CDKAL1: variants seen among roughly 807,000 people sequenced by gnomAD.
CDKAL1 encodes threonylcarbamoyladenosine tRNA methylthiotransferase.
In CDKAL1, 32 loss-of-function variants were observed where a neutral mutation model predicts 68.2. The ratio of observed to expected loss-of-function variants is 0.47; its 90% confidence interval spans 0.35 to 0.63. The LOEUF (loss-of-function observed/expected upper bound fraction) is 0.63. CDKAL1 is among the 30% of genes least tolerant of loss of function. The pLI is 0.00. For synonymous variants in CDKAL1, 234 were observed against 244.3 expected, an observed-to-expected ratio of 0.96 and a Z score of 0.39; for missense variants, 606 against 696.7, an observed-to-expected ratio of 0.87 and a Z score of 1.47.
chr6:20,746,875 A>G (rs1350223837), intron 6 of CDKAL1, among the ~76,000 whole-genome samples: 2 of 152,164 alleles, frequency 1.3e-5, no homozygotes, highest in African/African-American at 4.8e-5. Flanking sequence ...AGCACCTAAT[A>G]TCTACTCTTA....
intron 13 of CDKAL1, among the ~76,000 whole-genome samples, chr6:21,127,281 A>G (rs1046688009): frequency 3.3e-5 from 5 of 152,228 alleles, no homozygotes; most frequent in Non-Finnish European, 4.4e-5. Context: ...CAATAATGCA[A>G]GTTATCATAT....
intron 9 of CDKAL1, among the ~76,000 whole-genome samples, chr6:20,941,130 A>G (rs549019350): frequency 2.1e-5 from 3 of 140,866 alleles, no homozygotes; most frequent in Admixed American, 7.4e-5. Context: ...AGTTCAAACC[A>G]ACTGCATTTC....
rs145564136 is a variant in CDKAL1, at chr6:21,065,123, A to C, written c.1131A>C (p.Thr377=). 4.7e-4 allele frequency: 752 copies of C among 1,608,110 alleles called. No individual in the cohort carries two copies. The highest frequency in any genetic ancestry group is 6.0e-4 in the Non-Finnish European group (711 of 1,177,520). The change falls in exon 12 of 16, where the codon ACA becomes ACC. Residue 377 remains threonine, a synonymous_variant. Transcript: ENST00000274695. ...AAACAGATCAGGATTTTCAAGAAAC[A>C]GTGAAACTTGTTGAAGAGTACAAAT... is the stretch of plus-strand genomic sequence containing the variant. ...PGETDQDFQE[T]VKLVEEYKFP...
At chr6:21,135,344 G>A (rs1248756878) in intron 13 of CDKAL1, among the ~76,000 whole-genome samples, 3 of 151,992 alleles carry the variant, frequency 2.0e-5, no homozygotes, top group Admixed American at 6.6e-5. Context: ...ATGCATGTGT[G>A]TTATAAACTT....
intron 5 of CDKAL1, among the ~76,000 whole-genome samples, chr6:20,725,784 A>T (rs1244608556): frequency 4.7e-5 from 4 of 85,958 alleles, no homozygotes; most frequent in African/African-American, 1.8e-4. Flanking sequence ...AACTCCGTCT[A>T]AAAAAAAAAA....
intron 9 of CDKAL1, among the ~76,000 whole-genome samples, chr6:20,899,650 C>G (rs1004250994): frequency 6.6e-6 from 1 of 152,056 alleles, no homozygotes; most frequent in Non-Finnish European, 1.5e-5. Context: ...CGAGACCAGC[C>G]TGGCCAACAT....
At chr6:20,781,319 G>GTT in intron 8 of CDKAL1, 54 bp downstream of exon 8, 10 of 1,463,154 alleles carry the variant, frequency 6.8e-6, no homozygotes, top group East Asian at 2.4e-5. Context: ...CATGAATTCA[G>GTT]TTTTTTTTTC....
intron 9 of CDKAL1, among the ~76,000 whole-genome samples, chr6:20,859,318 T>G (rs1364320752): frequency 6.6e-6 from 1 of 151,042 alleles, no homozygotes; most frequent in Non-Finnish European, 1.5e-5. Flanking sequence ...AAAAAAATGG[T>G]GTTATGAAGA....
chr6:20,606,772 T>G (rs2127717993), intron 4 of CDKAL1, among the ~76,000 whole-genome samples: 1 of 152,344 alleles, frequency 6.6e-6, no homozygotes, highest in Middle Eastern at 3.4e-3. Context: ...TCGTAAAATC[T>G]ATTTCAATTC....
chr6:20,677,398 T>C (rs947135505), intron 5 of CDKAL1, among the ~76,000 whole-genome samples: 3 of 152,036 alleles, frequency 2.0e-5, no homozygotes, highest in African/African-American at 7.3e-5. Context: ...TTGTTTACTT[T>C]GCTTTTTTCA....
intron 15 of CDKAL1, among the ~76,000 whole-genome samples, chr6:21,226,459 A>AAGAC (rs1277825704): frequency 6.6e-6 from 1 of 152,202 alleles, no homozygotes; most frequent in Non-Finnish European, 1.5e-5. Context: ...TTTACAAGGG[A>AAGAC]AGACAAACCC....
chr6:21,206,016 T>C (rs568371357), intron 15 of CDKAL1, among the ~76,000 whole-genome samples: 50 of 149,222 alleles, frequency 3.4e-4, no homozygotes, highest in Non-Finnish European at 6.2e-4. Context: ...TTTTTTTTCT[T>C]TGTATTTTAG....
intron 4 of CDKAL1, among the ~76,000 whole-genome samples, chr6:20,597,273 C>T (rs567397283): frequency 3.3e-5 from 5 of 151,476 alleles, no homozygotes; most frequent in African/African-American, 7.3e-5. Flanking sequence ...GGACTACAGG[C>T]GCCTGCCACC....
Position 20,758,636 on chromosome 6 carries a change from A to G in CDKAL1, c.510A>G (p.Thr170=), listed in dbSNP as rs1561752635. ...GTGTGGTAGAAGTTGTGGAGGAGAC[A>G]ATTAAAGGTAATCGTTGAAAGTGAG... ...IDRVVEVVEE[T]IKGHSVRLLG... Residue 170 remains threonine, a synonymous_variant, in exon 7 of 16, where the codon ACA becomes ACG. Coordinates refer to ENST00000274695, the MANE Select transcript of CDKAL1 (RefSeq NM_017774.3). The G allele has an allele frequency of 3.7e-6, 6 of 1,609,512 alleles. No homozygotes were observed. The highest frequency in any genetic ancestry group is 4.2e-6 in the Non-Finnish European group (5 of 1,177,682).
chr6:20,764,963 G>A (rs1461081499), intron 7 of CDKAL1, among the ~76,000 whole-genome samples: 1 of 152,126 alleles, frequency 6.6e-6, no homozygotes, highest in Non-Finnish European at 1.5e-5. Flanking sequence ...TCTCATCGGT[G>A]TAAGTAAATA....
intron 15 of CDKAL1, among the ~76,000 whole-genome samples, chr6:21,213,619 CATCTATGGTGTAA>C (rs2151118853): frequency 6.6e-6 from 1 of 152,332 alleles, no homozygotes; most frequent in East Asian, 1.9e-4. Context: ...AATCACAAAG[CATCTATGGTGTAA>C]GATAGTGGCA....
At chr6:20,843,623 A>G (rs1778261176) in intron 8 of CDKAL1, among the ~76,000 whole-genome samples, 4 of 152,302 alleles carry the variant, frequency 2.6e-5, no homozygotes, top group Admixed American at 2.0e-4. Context: ...TGCATGAAGC[A>G]AAATTTTGAC....
chr6:21,135,582 G>A (rs1775550894), intron 13 of CDKAL1: 1 of 564,934 alleles, frequency 1.8e-6, no homozygotes, highest in Admixed American at 6.4e-5. Context: ...CTTTTCCCCG[G>A]TAAAGGACCA....
chr6:20,639,916 G>A (rs560032738), intron 4 of CDKAL1, among the ~76,000 whole-genome samples: 26 of 152,332 alleles, frequency 1.7e-4, no homozygotes, highest in Non-Finnish European at 3.1e-4. Context: ...TGATCCGCCC[G>A]CCTTGGCCTC....
Sources: gnomAD v4.1 joint callset for allele counts (sites outside exome capture counted in the v4.1 genomes callset) on GRCh38, gnomAD v4.1.1 for gene constraint, MANE v1.5 for transcripts, NCBI Gene and HGNC (gene_info 2026-07-23, HGNC 2026-07-21) for gene names.